Variants in TIAM2 observed in about 807,000 individuals in gnomAD.
TIAM2 encodes the protein rho guanine nucleotide exchange factor TIAM2.
TIAM2 carries 80 observed loss-of-function variants against 152.9 expected under a neutral mutation model. That is an observed-to-expected ratio of 0.52 (90% confidence interval 0.44 to 0.63). The LOEUF (loss-of-function observed/expected upper bound fraction) is 0.63. Among genes scored for constraint, TIAM2 ranks in the 30% least tolerant of loss-of-function variants. The probability of loss-of-function intolerance (pLI) is 0.00; values close to 1 mark genes in which losing one functional copy is unlikely to be tolerated. For missense variants in TIAM2, 1,965 were observed against 2,120.1 expected (o/e 0.93, Z 1.44); for synonymous variants, 804 against 838.0 (o/e 0.96, Z 0.70).
At chr6:155,193,641 T>C (rs1781263322) in intron 14 of TIAM2, among the ~76,000 whole-genome samples, 1 of 152,196 alleles carries the variant, frequency 6.6e-6, no homozygotes, top group Non-Finnish European at 1.5e-5. Context: ...GTTGTACATA[T>C]GTTTTTCCTC....
intron 1 of TIAM2, among the ~76,000 whole-genome samples, chr6:155,036,043 TG>T (rs1490127901): frequency 8.5e-5 from 13 of 152,202 alleles, no homozygotes; most frequent in Non-Finnish European, 1.6e-4. Context: ...AAAAACCCTG[TG>T]TACAGAGTAT....
rs1436023246 is a variant in TIAM2 at position 155,156,623 on chromosome 6, A to C, written c.2029-7792A>C. On this transcript the variant is annotated intron_variant, in intron 7 of 26. Coordinates refer to ENST00000682666, the MANE Select transcript of TIAM2 (RefSeq NM_012454.4). This position sits in a 1 kb window ranked among gnomAD's most constrained non-coding sequence, Gnocchi z 4.4. The stretch of plus-strand genomic sequence containing the variant: ...CCATGAGCTGAGATCACACCATTGC[A>C]CTCCAGCCTGGGCAACAGAGTGATA... Among the ~76,000 whole-genome samples the C allele has an allele frequency of 6.6e-6, 1 of 152,120 alleles. No individual in the cohort carries two copies. Among genetic ancestry groups the C allele is most frequent in the Non-Finnish European group, 1.5e-5 (1 of 68,018 alleles).
intron 1 of TIAM2, among the ~76,000 whole-genome samples, chr6:155,073,264 G>A (rs561514998): frequency 6.7e-6 from 1 of 148,176 alleles, no homozygotes; most frequent in East Asian, 2.0e-4. Flanking sequence ...CCGGGTTCAA[G>A]CGATTCTTGT....
rs145411858 is a variant in TIAM2 at position 155,257,019 on chromosome 6, C to A, written c.5004C>A (p.Ile1668=). ...ACAGTCAGTCTGAAAATGCCACCAT[C>A]GACCTAAATTCTGTTCTAGAGCGAG... ...SLDSQSENAT[I]DLNSVLEREF... The change falls in exon 27 of 27, where the codon ATC becomes ATA. Residue 1668 remains isoleucine, a synonymous_variant. Coordinates refer to ENST00000682666, the MANE Select transcript of TIAM2 (RefSeq NM_012454.4). 9.3e-6 allele frequency: 15 copies of A among 1,614,032 alleles called. No individual in the cohort carries two copies. The highest frequency in any genetic ancestry group is 1.3e-5 in the Non-Finnish European group (15 of 1,180,022).
At chr6:155,084,271 G>A (rs1033435759) in intron 1 of TIAM2, among the ~76,000 whole-genome samples, 7 of 152,154 alleles carry the variant, frequency 4.6e-5, no homozygotes, top group East Asian at 1.9e-4. Context: ...CCCACCACAC[G>A]TGTTGGGACT....
chr6:155,004,585 G>A (rs1583146085), intron 1 of TIAM2, among the ~76,000 whole-genome samples: 2 of 151,892 alleles, frequency 1.3e-5, no homozygotes, highest in South Asian at 4.2e-4. Context: ...TAGTAGAGAC[G>A]GGGTTTCACC....
intron 6 of TIAM2, 99 bp from the exon 7 acceptor site, chr6:155,148,011 A>G: frequency 8.5e-7 from 1 of 1,178,702 alleles, no homozygotes; most frequent in Admixed American, 1.8e-5. Context: ...CAGTGCAAGT[A>G]CTTCTTGGGT....
At chr6:155,002,861 G>GT (rs1339194679) in intron 1 of TIAM2, among the ~76,000 whole-genome samples, 2,163 of 136,972 alleles carry the variant, frequency 0.016, 59 homozygotes, top group African/African-American at 0.055. Flanking sequence ...TTGTGTGTGT[G>GT]TGTTTTTTTT....
intron 14 of TIAM2, among the ~76,000 whole-genome samples, chr6:155,195,724 G>A (rs1355256557): frequency 2.6e-5 from 4 of 152,230 alleles, no homozygotes; most frequent in African/African-American, 9.6e-5. Context: ...GGGCAGGCCG[G>A]TAGTGCTCAG....
Position 155,104,064 on chromosome 6 carries a change from A to ACC in TIAM2, c.-118+13689_-118+13690dup, listed in dbSNP as rs1318379082. ...CACCCCCCCCCCCACACCCCCACACACCCCCACACACCAAATTAACATTTT... is the reference window on the plus strand; with the variant it reads ...CACCCCCCCCCCCACACCCCCACACACCCCCCCACACACCAAATTAACATTTT... On this transcript the variant is annotated intron_variant, in intron 2 of 26. Transcript: ENST00000682666. Among the ~76,000 whole-genome samples the ACC allele has an allele frequency of 2.2e-4, 11 of 49,064 alleles. 1 individual carries two copies. The highest frequency in any genetic ancestry group is 7.5e-4 in the African/African-American group (10 of 13,256). The allele number at this position is 49,064 out of a possible 152,430, so 32.2% of individuals were successfully genotyped here.
intron 1 of TIAM2, among the ~76,000 whole-genome samples, chr6:155,060,273 G>A (rs919249453): frequency 5.3e-5 from 8 of 151,874 alleles, no homozygotes; most frequent in African/African-American, 7.3e-5. Context: ...GTGGTGGCAC[G>A]TGCCTGTAAT....
In TIAM2 at chr6:155,218,898, C is replaced by T. The variant is rs1781948283; in HGVS notation, c.3168+7591C>T. 6.7e-6 allele frequency among the ~76,000 whole-genome samples: 1 copy of T among 148,788 alleles called. No homozygotes were observed. The highest frequency in any genetic ancestry group is 1.5e-5 in the Non-Finnish European group (1 of 67,234). ...TGTTCTTGACCATCTCAGCCGCCCA[C>T]CCGTGTTCTTGACCATCTCAGCCGT... On this transcript the variant is annotated intron_variant, in intron 15 of 26. Coordinates refer to ENST00000682666, the MANE Select transcript of TIAM2 (RefSeq NM_012454.4). The surrounding 1 kb of genome is among the most constrained non-coding windows in gnomAD (Gnocchi z 4.5).
At chr6:155,245,242 G>A (rs1051758977) in intron 18 of TIAM2, among the ~76,000 whole-genome samples, 4 of 152,226 alleles carry the variant, frequency 2.6e-5, no homozygotes, top group Non-Finnish European at 4.4e-5. Flanking sequence ...GTGGCAGGAA[G>A]CCCCTCCAAG....
At chr6:155,240,409 A>G in intron 15 of TIAM2, 121 bp from the exon 16 acceptor site, 1 of 1,070,988 alleles carries the variant, frequency 9.3e-7, no homozygotes, top group Admixed American at 2.7e-5. Context: ...CCTTTGCCCT[A>G]CACAGAGGCC....
intron 15 of TIAM2, among the ~76,000 whole-genome samples, chr6:155,231,873 G>A (rs1391273164): frequency 6.6e-6 from 1 of 152,216 alleles, no homozygotes; most frequent in African/African-American, 2.4e-5. Context: ...TCAGGAGTTT[G>A]AGATCAGCCT....
intron 1 of TIAM2, among the ~76,000 whole-genome samples, chr6:154,998,892 T>C (rs1439708043): frequency 6.6e-6 from 1 of 152,172 alleles, no homozygotes; most frequent in Non-Finnish European, 1.5e-5. Context: ...TGGCCTCACT[T>C]GGGAAATCTT....
At chr6:155,064,268 GAATAA>G (rs1777644024) in intron 1 of TIAM2, among the ~76,000 whole-genome samples, 1 of 152,084 alleles carries the variant, frequency 6.6e-6, no homozygotes, top group Non-Finnish European at 1.5e-5. Flanking sequence ...GTGAGCATTA[GAATAA>G]AATAATACAG....
At chr6:155,217,254 T>C (rs1781882838) in intron 15 of TIAM2, among the ~76,000 whole-genome samples, 1 of 152,252 alleles carries the variant, frequency 6.6e-6, no homozygotes, top group Non-Finnish European at 1.5e-5. Context: ...GAAGGGATTC[T>C]GACAGTGATC....
intron 4 of TIAM2, 44 bp downstream of exon 4, chr6:155,130,461 C>T: frequency 6.4e-7 from 1 of 1,553,610 alleles, no homozygotes; most frequent in Non-Finnish European, 8.7e-7. Flanking sequence ...CACAGTTTCC[C>T]CACCTGGAGA....
Sources: gnomAD v4.1 joint callset for allele counts (sites outside exome capture counted in the v4.1 genomes callset) on GRCh38, gnomAD v4.1.1 for gene constraint, Gnocchi (gnomAD v3.1) non-coding constraint, MANE v1.5 for transcripts, NCBI Gene and HGNC (gene_info 2026-07-23, HGNC 2026-07-21) for gene names.